The following HMCN1 variants were observed in gnomAD, a reference collection of about 807,000 sequenced individuals.
HMCN1 encodes the protein hemicentin 1.
Under a neutral mutation model 625.9 loss-of-function variants are expected in HMCN1, and 321 were observed. The ratio of observed to expected loss-of-function variants is 0.51; its 90% CI spans 0.47 to 0.56. The LOEUF is 0.56. Among genes scored for constraint, HMCN1 ranks in the 20% least tolerant of loss-of-function variants. The pLI is 0.00. For missense variants in HMCN1, 6,588 were observed against 6,887.3 expected (o/e 0.96, Z 1.54); for synonymous variants, 2,425 against 2,417.6 (o/e 1.00, Z -0.09).
intron 1 of HMCN1, among the ~76,000 whole-genome samples, chr1:185,740,247 G>T (rs577593580): frequency 6.6e-6 from 1 of 152,306 alleles, no homozygotes; most frequent in South Asian, 2.1e-4. Flanking sequence ...TGTTGTTTGA[G>T]AATAGTCTGA....
chr1:186,132,476 TTTTC>T (rs1294385636), intron 86 of HMCN1, 67 bp downstream of exon 86: 1 of 1,282,096 alleles, frequency 7.8e-7, no homozygotes, highest in Middle Eastern at 1.9e-4. Flanking sequence ...AGAGTATTTA[TTTTC>T]TTTAACTCTA....
intron 1 of HMCN1, among the ~76,000 whole-genome samples, chr1:185,771,840 G>A (rs920010892): frequency 6.6e-6 from 1 of 152,134 alleles, no homozygotes; most frequent in African/African-American, 2.4e-5. Flanking sequence ...TCACTATGCA[G>A]ACTTACAAAT....
intron 1 of HMCN1, among the ~76,000 whole-genome samples, chr1:185,795,349 TAAAG>T (rs1003187526): frequency 1.9e-4 from 29 of 152,340 alleles, no homozygotes; most frequent in African/African-American, 2.9e-4. Flanking sequence ...CCTAAAAAAA[TAAAG>T]AGTCATTTTA....
intron 99 of HMCN1, among the ~76,000 whole-genome samples, chr1:186,166,577 A>T (rs930529548): frequency 1.3e-5 from 2 of 152,230 alleles, no homozygotes; most frequent in Non-Finnish European, 2.9e-5. Flanking sequence ...CACCTAATTT[A>T]TAAGTGGTCT....
Position 185,734,923 on chromosome 1 carries a change from G to A in HMCN1, c.144G>A (p.Val48=). The A allele has an allele frequency of 6.2e-7, 1 of 1,614,152 alleles. No homozygotes were observed. The highest frequency in any genetic ancestry group is 8.5e-7 in the Non-Finnish European group (1 of 1,180,012). The change falls in exon 1 of 107, where the codon GTG becomes GTA. Residue 48 remains valine (V), a synonymous_variant. Transcript: ENST00000271588. ...CCACGTTGGCTTTTGTGTTTGATGTGACTGGTTCTATGTATGATGATTTAG... is the reference window on the plus strand; with the variant it reads ...CCACGTTGGCTTTTGTGTTTGATGTAACTGGTTCTATGTATGATGATTTAG... ...GASTLAFVFD[V]TGSMYDDLVQ... is the part of the protein sequence containing the mutation.
At chr1:185,853,710 G>A (rs1427334844) in intron 2 of HMCN1, among the ~76,000 whole-genome samples, 1 of 152,170 alleles carries the variant, frequency 6.6e-6, no homozygotes, top group East Asian at 1.9e-4. Context: ...TGTTGATATT[G>A]TAATGATCTT....
intron 104 of HMCN1, 122 bp from the exon 105 acceptor site, chr1:186,182,046 A>G (rs1652965529): frequency 1.9e-6 from 2 of 1,050,002 alleles, no homozygotes; most frequent in East Asian, 2.4e-5. Flanking sequence ...TTTTTAACAC[A>G]TGAGTATAAA....
chr1:185,751,539 T>G (rs975448298), intron 1 of HMCN1, among the ~76,000 whole-genome samples: 1 of 152,166 alleles, frequency 6.6e-6, no homozygotes, highest in Non-Finnish European at 1.5e-5. Context: ...ACTCAAGGAC[T>G]CAGATTTTTA....
chr1:185,872,548 G>T (rs184586844), intron 4 of HMCN1, among the ~76,000 whole-genome samples: 2 of 152,040 alleles, frequency 1.3e-5, no homozygotes, highest in Non-Finnish European at 2.9e-5. Flanking sequence ...ACAAATGTTG[G>T]GGGGAGAGGA....
At chr1:185,805,736 T>C (rs540702541) in intron 1 of HMCN1, among the ~76,000 whole-genome samples, 10 of 152,188 alleles carry the variant, frequency 6.6e-5, no homozygotes, top group Non-Finnish European at 1.2e-4. Flanking sequence ...CTACTGCGTA[T>C]GTCTAACCCT....
chr1:186,123,084 A>G lies in HMCN1; in HGVS notation c.12363A>G (p.Glu4121=), dbSNP rs774342062. Residue 4121 remains glutamate, a synonymous_variant, in exon 81 of 107, where the codon GAA becomes GAG. Coordinates refer to ENST00000271588, the MANE Select transcript of HMCN1 (RefSeq NM_031935.3). The part of the protein sequence containing the change: ...TWHKDGRAIV[E]SIRQRVLSSG... ...ATAAAGATGGGCGTGCAATTGTGGA[A>G]TCTATCCGCCAGCGCGTCCTCAGCT... is the stretch of plus-strand genomic sequence containing the variant. The G allele has an allele frequency of 1.2e-5, 19 of 1,613,998 alleles. No homozygotes were observed. Among genetic ancestry groups the G allele is most frequent in the Non-Finnish European group, 8.5e-7 (1 of 1,180,008 alleles).
chr1:185,836,048 T>A (rs1000539106), intron 1 of HMCN1, among the ~76,000 whole-genome samples: 1 of 152,202 alleles, frequency 6.6e-6, no homozygotes, highest in African/African-American at 2.4e-5. Flanking sequence ...ATGACTGTTT[T>A]GATTAGACTC....
intron 97 of HMCN1, among the ~76,000 whole-genome samples, chr1:186,158,011 G>A (rs1189577765): frequency 6.0e-5 from 9 of 150,692 alleles, no homozygotes; most frequent in Non-Finnish European, 8.9e-5. Flanking sequence ...CTGAGGAATC[G>A]CCACACTGAC....
At position 185,997,543 on chromosome 1, in the gene HMCN1, T is replaced by C. The variant is rs1652884854; in HGVS notation, c.3874+19T>C. 6.7e-7 allele frequency: 1 copy of C among 1,498,818 alleles called. No homozygotes were observed. The allele number at this position is 1,498,818 out of a possible 1,614,324, so 92.8% of individuals were successfully genotyped here. A position where few individuals can be genotyped will look rare whatever the true frequency, so the allele number is the denominator to read the frequency against. On this transcript the variant is annotated intron_variant, in intron 25 of 106. Coordinates refer to ENST00000271588, the MANE Select transcript of HMCN1 (RefSeq NM_031935.3). Reference sequence around the variant, plus strand: ...GCAAAAGGTACGTAATACTGAAAGATATAGGCATTGGCATAATGTTATATG... The same window carrying C: ...GCAAAAGGTACGTAATACTGAAAGACATAGGCATTGGCATAATGTTATATG...
chr1:185,953,703 A>G (rs940462800), intron 11 of HMCN1, among the ~76,000 whole-genome samples: 4 of 152,008 alleles, frequency 2.6e-5, no homozygotes, highest in Middle Eastern at 3.4e-3. Context: ...AGCAAAGAGC[A>G]GGAGGACAGG....
intron 4 of HMCN1, among the ~76,000 whole-genome samples, chr1:185,885,956 T>A (rs1340535024): frequency 1.3e-5 from 2 of 152,056 alleles, no homozygotes; most frequent in Non-Finnish European, 2.9e-5. Flanking sequence ...TCTTTACAAT[T>A]TTGTAGACAT....
At chr1:186,125,565 C>G in intron 81 of HMCN1, 39 bp from the exon 82 acceptor site, 5 of 1,498,676 alleles carry the variant, frequency 3.3e-6, no homozygotes, top group Non-Finnish European at 4.7e-6. Context: ...CATTATTGAA[C>G]TCAGCTTCCT....
intron 8 of HMCN1, among the ~76,000 whole-genome samples, chr1:185,924,789 C>G (rs74134214): frequency 0.014 from 2,087 of 151,638 alleles, 35 homozygotes; most frequent in African/African-American, 0.046. Context: ...CAAAAAAATA[C>G]TATGTCTTAA....
chr1:185,928,564 CT>C lies in HMCN1; in HGVS notation c.1451del (p.Leu484Ter). The C allele has an allele frequency of 6.2e-7, 1 of 1,613,142 alleles. No homozygotes were observed. Among genetic ancestry groups the C allele is most frequent in the Middle Eastern group, 1.7e-4 (1 of 6,060 alleles). ...CCTCCAGAGAATCTGCCAGTGTGAA[CT>C]TAGATATTGCAAAGGTCACTTTGTC... ...QYLKESASVN[L>X]DIAKVTLSDE... On this transcript the variant is annotated frameshift_variant, in exon 10 of 107. Coordinates refer to ENST00000271588, the MANE Select transcript of HMCN1 (RefSeq NM_031935.3). LOFTEE classifies it high-confidence loss of function.
Sources: allele counts gnomAD v4.1 joint callset (sites outside exome capture counted in the v4.1 genomes callset), GRCh38; gene constraint gnomAD v4.1.1; transcripts MANE v1.5; gene names NCBI Gene and HGNC (gene_info 2026-07-23, HGNC 2026-07-21).